Variants in MMD observed in about 807,000 individuals in gnomAD.
MMD encodes monocyte to macrophage differentiation associated.
In MMD, 22 loss-of-function variants were observed where a neutral mutation model predicts 33.6. The observed-to-expected ratio is 0.66, with a 90% CI of 0.47 to 0.94. The LOEUF (loss-of-function observed/expected upper bound fraction) is 0.94, where lower values mean the gene tolerates loss of function less well. Among genes scored for constraint, MMD ranks in the 40% least tolerant of loss-of-function variants. MMD has a pLI of 0.00. For synonymous variants in MMD, 97 were observed against 103.2 expected, an observed-to-expected ratio of 0.94 and a Z score of 0.36; for missense variants, 242 against 309.8, an observed-to-expected ratio of 0.78 and a Z score of 1.64.
intron 6 of MMD, among the ~76,000 whole-genome samples, chr17:55,395,336 C>A (rs1246318318): frequency 3.3e-5 from 5 of 152,172 alleles, no homozygotes; most frequent in Admixed American, 2.6e-4. Flanking sequence ...ACAAGTTAGT[C>A]CCCTGGATTT....
intron 5 of MMD, among the ~76,000 whole-genome samples, chr17:55,402,935 A>G (rs1907402904): frequency 6.6e-6 from 1 of 152,266 alleles, no homozygotes; most frequent in African/African-American, 2.4e-5. Context: ...AACACAAATT[A>G]TGTTCAATTC....
chr17:55,394,554 A>AT lies in MMD; in HGVS notation c.517-21_517-20insA. The stretch of plus-strand genomic sequence containing the variant: ...GTTGTTCTGTCAACAGAGAAAAAAA[A>AT]ATAAAAAGGGTTTGATGTTACTCTG... On this transcript the variant is annotated intron_variant, in intron 6 of 6. Transcript: ENST00000262065. 1 of 1,426,876 alleles carries AT rather than the reference A, an allele frequency of 7.0e-7. No individual in the cohort carries two copies. The highest frequency in any genetic ancestry group is 1.5e-5 in the African/African-American group (1 of 67,696). 88.4% of individuals were successfully genotyped at this position (1,426,876 alleles called of 1,614,324 possible).
At position 55,414,147 on chromosome 17, in the gene MMD, T is replaced by C; in HGVS notation, c.108+4A>G. ...GATGGCAATGGTGGAAAACTTGTAC[T>C]CACTGCGTGTGTGTAACAGTTAGCA... On this transcript the variant is annotated splice_donor_region_variant and intron_variant, in intron 2 of 6. Transcript: ENST00000262065. 1 of 1,613,692 alleles carries C rather than the reference T, an allele frequency of 6.2e-7. No homozygotes were observed. The highest frequency in any genetic ancestry group is 8.5e-7 in the Non-Finnish European group (1 of 1,179,648).
intron 6 of MMD, among the ~76,000 whole-genome samples, chr17:55,397,255 G>A (rs1020452497): frequency 2.7e-5 from 4 of 150,680 alleles, no homozygotes; most frequent in Non-Finnish European, 4.4e-5. Context: ...TCTGCCTCCC[G>A]TGTTCCAGTG....
chr17:55,403,844 G>A lies in MMD; in HGVS notation c.369C>T (p.Pro123=). The A allele has an allele frequency of 6.2e-7, 1 of 1,613,326 alleles. No homozygotes were observed. Among genetic ancestry groups the A allele is most frequent in the Admixed American group, 1.7e-5 (1 of 59,920 alleles). ...APWLNLRELG[P]LASHMRWFIW... ...TAAACCAACGCATATGAGATGCCAG[G>A]GGTCCAAGTTCACGAAGATTTAACC... Residue 123 remains proline, a synonymous_variant, in exon 5 of 7, where the codon CCC becomes CCT. Coordinates refer to ENST00000262065, the MANE Select transcript of MMD (RefSeq NM_012329.3).
chr17:55,398,719 G>C (rs575957673), intron 6 of MMD, among the ~76,000 whole-genome samples: 7 of 152,160 alleles, frequency 4.6e-5, no homozygotes, highest in Non-Finnish European at 8.8e-5. Flanking sequence ...TCTGGGCCTT[G>C]TTATGGCAGT....
chr17:55,418,974 G>A (rs753147897), intron 1 of MMD, among the ~76,000 whole-genome samples: 7 of 152,148 alleles, frequency 4.6e-5, no homozygotes, highest in Non-Finnish European at 1.0e-4. Flanking sequence ...TAAGATCTGT[G>A]TGCCCACACA....
chr17:55,409,483 G>A (rs1354562907), intron 3 of MMD, among the ~76,000 whole-genome samples: 1 of 152,190 alleles, frequency 6.6e-6, no homozygotes, highest in Non-Finnish European at 1.5e-5. Flanking sequence ...TACCTCATAG[G>A]TAAAGTGGAA....
intron 2 of MMD, among the ~76,000 whole-genome samples, chr17:55,413,113 G>T (rs539102832): frequency 3.3e-5 from 5 of 152,302 alleles, no homozygotes; most frequent in African/African-American, 1.2e-4. Flanking sequence ...ACTCAGAAGA[G>T]ACAAGTTAAG....
chr17:55,407,056 C>T (rs750258547), intron 4 of MMD, among the ~76,000 whole-genome samples: 7 of 149,920 alleles, frequency 4.7e-5, no homozygotes, highest in African/African-American at 7.4e-5. Flanking sequence ...AGGCCGGGCA[C>T]GGTGGCTCAC....
rs139252000 is a variant in MMD at position 55,416,463 on chromosome 17, T to C, written c.27-2231A>G. On this transcript the variant is annotated intron_variant, in intron 1 of 6. Transcript: ENST00000262065. Reference sequence around the variant, plus strand: ...AGGCACTCTATCCTGATGCACAGGGTAAGACACGGGCAATAGGGAAAGATA... The same window carrying C: ...AGGCACTCTATCCTGATGCACAGGGCAAGACACGGGCAATAGGGAAAGATA... Among the ~76,000 whole-genome samples, 357 of 152,252 alleles carry C rather than the reference T, an allele frequency of 2.3e-3. 1 individual carries two copies. The highest frequency in any genetic ancestry group is 8.4e-3 in the African/African-American group (350 of 41,548).
At chr17:55,401,595 T>C (rs955748613) in intron 5 of MMD, 57 bp from the exon 6 acceptor site, 3 of 1,340,942 alleles carry the variant, frequency 2.2e-6, no homozygotes, top group Non-Finnish European at 3.2e-6. Context: ...CACCTAACAA[T>C]TTACATACCA....
intron 2 of MMD, 102 bp downstream of exon 2, chr17:55,414,049 G>T: frequency 8.9e-7 from 1 of 1,125,658 alleles, no homozygotes; most frequent in Non-Finnish European, 1.3e-6. Flanking sequence ...GTCACAGATG[G>T]GTAAATCCAA....
chr17:55,414,338 G>A (rs1436033739), intron 1 of MMD, 106 bp from the exon 2 acceptor site: 1 of 1,030,734 alleles, frequency 9.7e-7, no homozygotes, highest in Non-Finnish European at 1.5e-6. Context: ...AGAAGTGACT[G>A]GTGGAAATAC....
intron 4 of MMD, chr17:55,404,637 A>G (rs1907474071): frequency 5.1e-6 from 5 of 984,904 alleles, no homozygotes; most frequent in Non-Finnish European, 6.0e-6. Context: ...TCTCTCTGCC[A>G]AGAGAGAGTA....
chr17:55,412,785 C>T (rs1328934749), intron 2 of MMD, among the ~76,000 whole-genome samples: 2 of 152,138 alleles, frequency 1.3e-5, no homozygotes, highest in East Asian at 3.8e-4. Context: ...TATGGCTCGC[C>T]TTCCTATTTC....
chr17:55,407,787 T>A lies in MMD; in HGVS notation c.303A>T (p.Arg101Ser). The change falls in exon 4 of 7, where the codon AGA (arginine) becomes AGT (serine). Residue 101 changes from arginine (R) to serine (S), a missense_variant. Coordinates refer to ENST00000262065, the MANE Select transcript of MMD (RefSeq NM_012329.3). ...TVEHCFHMCD[R>S]MVIYFFIAAS... is the part of the protein sequence containing the mutation. ...CAGCAATGAAGAAATAGATAACCAT[T>A]CTATCACACATGTGAAAACAATGCT... 6.3e-7 allele frequency: 1 copy of A among 1,597,752 alleles called. No individual in the cohort carries two copies. Among genetic ancestry groups the A allele is most frequent in the Non-Finnish European group, 8.5e-7 (1 of 1,175,622 alleles).
intron 1 of MMD, among the ~76,000 whole-genome samples, chr17:55,415,756 G>A (rs1398117841): frequency 6.9e-6 from 1 of 145,022 alleles, no homozygotes; most frequent in Non-Finnish European, 1.5e-5. Context: ...CCCACTGATG[G>A]GTTAAGATAT....
rs541859882 is a variant in MMD at position 55,411,370 on chromosome 17, C to A, written c.156G>T (p.Leu52=). 5 of 1,614,056 alleles carry A rather than the reference C, an allele frequency of 3.1e-6. No homozygotes were observed. In the South Asian group the frequency reaches 5.5e-5, roughly 18 times the overall value. The change falls in exon 3 of 7, where the codon CTG becomes CTT. Residue 52 remains leucine, a synonymous_variant. Transcript: ENST00000262065. ...AIVGSALLHR[L]SDDCWEKITA... ...TTATCTTTTCCCAGCAGTCATCAGA[C>A]AGCCGATGGAGGAGGGCACTGCCCA... is the stretch of plus-strand genomic sequence containing the variant.
Sources: allele counts gnomAD v4.1 joint callset (sites outside exome capture counted in the v4.1 genomes callset), GRCh38; gene constraint gnomAD v4.1.1; transcripts MANE v1.5; gene names NCBI Gene and HGNC (gene_info 2026-07-23, HGNC 2026-07-21).